The following NAV2 variants were observed in gnomAD, a reference collection of about 807,000 sequenced individuals.
The protein encoded by NAV2 is helicase, APC down-regulated 1.
A neutral mutation model predicts 223.2 loss-of-function variants in NAV2; 54 were observed. The observed-to-expected ratio is 0.24, with a 90% CI of 0.19 to 0.30. The LOEUF (loss-of-function observed/expected upper bound fraction) is 0.30, where lower values mean the gene tolerates loss of function less well. Ranked by LOEUF, NAV2 falls within the 10% of genes least tolerant of loss-of-function variation. The probability of loss-of-function intolerance (pLI) is 1.00; values close to 1 mark genes in which losing one functional copy is unlikely to be tolerated. For synonymous variants in NAV2, 1,279 were observed against 1,239.3 expected (o/e 1.03, Z -0.67); for missense variants, 2,806 against 3,147.5 (o/e 0.89, Z 2.60).
chr11:20,120,293 G>A lies in NAV2; in HGVS notation c.*2035G>A, dbSNP rs2246192. The A allele has an allele frequency of 0.36, 54,064 of 152,086 alleles. 11,975 individuals are homozygous for A. The highest frequency in any genetic ancestry group is 0.79 in the East Asian group (4,055 of 5,162). 9.4% of individuals were successfully genotyped at this position (152,086 alleles called of 1,614,324 possible). ...ACTTTTCAACACTATCCCTGCTTTA[G>A]TCTCAGCAAACTCAGACTATTCTGC... On this transcript the variant is annotated 3_prime_UTR_variant, in exon 38 of 38. Transcript: ENST00000349880.
intron 1 of NAV2, among the ~76,000 whole-genome samples, chr11:19,476,522 C>G (rs1270458433): frequency 1.8e-4 from 28 of 152,130 alleles, no homozygotes; most frequent in Admixed American, 1.8e-3. Flanking sequence ...GCACTCTCTT[C>G]CACTTTGATG....
At chr11:19,659,956 T>TTAG (rs2048232005) in intron 1 of NAV2, among the ~76,000 whole-genome samples, 1 of 151,124 alleles carries the variant, frequency 6.6e-6, no homozygotes, top group Non-Finnish European at 1.5e-5. Context: ...AAAAGAACTA[T>TTAG]TATTATTATT....
At chr11:19,379,030 C>A (rs1447588590) in intron 1 of NAV2, among the ~76,000 whole-genome samples, 1 of 152,208 alleles carries the variant, frequency 6.6e-6, no homozygotes. Flanking sequence ...TGAATCTCTT[C>A]CCCAGTGTGT....
intron 11 of NAV2, among the ~76,000 whole-genome samples, chr11:20,006,917 G>A (rs1417367697): frequency 6.6e-6 from 1 of 151,862 alleles, no homozygotes; most frequent in Non-Finnish European, 1.5e-5. Context: ...ATTGGTGGTA[G>A]AGCTGAGACT....
chr11:19,742,007 T>C (rs115166789), intron 1 of NAV2, among the ~76,000 whole-genome samples: 1,098 of 86,766 alleles, frequency 0.013, 7 homozygotes, highest in Middle Eastern at 0.057. Context: ...CCAACACTTG[T>C]TATCTTTTGA....
chr11:19,415,100 C>G (rs1296900611), intron 1 of NAV2, among the ~76,000 whole-genome samples: 1 of 151,816 alleles, frequency 6.6e-6, no homozygotes, highest in Non-Finnish European at 1.5e-5. Flanking sequence ...AAGATCAGAG[C>G]AGAAATGAAG....
intron 10 of NAV2, among the ~76,000 whole-genome samples, chr11:19,981,676 A>T (rs2050300861): frequency 6.6e-6 from 1 of 152,200 alleles, no homozygotes; most frequent in African/African-American, 2.4e-5. Flanking sequence ...TCTCCTTGAA[A>T]GGACGTGGGG....
intron 6 of NAV2, among the ~76,000 whole-genome samples, chr11:19,908,741 T>C (rs2043076563): frequency 6.6e-6 from 1 of 152,150 alleles, no homozygotes; most frequent in African/African-American, 2.4e-5. Context: ...AAGTCTGTCA[T>C]TAAAAAAATG....
At chr11:19,938,673 G>T (rs2046133285) in intron 7 of NAV2, among the ~76,000 whole-genome samples, 1 of 152,304 alleles carries the variant, frequency 6.6e-6, no homozygotes, top group Admixed American at 6.5e-5. Flanking sequence ...TACTCATAAG[G>T]CCTCAGCAGA....
intron 2 of NAV2, among the ~76,000 whole-genome samples, chr11:19,838,142 A>G (rs2060327072): frequency 6.6e-6 from 1 of 152,196 alleles, no homozygotes; most frequent in Non-Finnish European, 1.5e-5. Context: ...ATCAAAATGA[A>G]AAGTTAAAAA....
chr11:19,398,397 AT>A (rs1275923870), intron 1 of NAV2, among the ~76,000 whole-genome samples: 1 of 152,084 alleles, frequency 6.6e-6, no homozygotes, highest in Non-Finnish European at 1.5e-5. Context: ...CCCACCTCCA[AT>A]ACTGGGGATT....
chr11:19,579,023 T>A (rs983588062), intron 1 of NAV2, among the ~76,000 whole-genome samples: 20 of 152,260 alleles, frequency 1.3e-4, no homozygotes, highest in African/African-American at 4.6e-4. Context: ...AAGTGATCAG[T>A]GCAATGTGTA....
At chr11:19,349,342 C>A (rs890648201), upstream of NAV2, among the ~76,000 whole-genome samples, 1 of 152,322 alleles carries the variant, frequency 6.6e-6, no homozygotes, top group Middle Eastern at 3.4e-3. Context: ...TCCTCCTCCT[C>A]CCCCCTCACA....
At chr11:19,741,879 A>C (rs972196981) in intron 1 of NAV2, among the ~76,000 whole-genome samples, 1 of 151,728 alleles carries the variant, frequency 6.6e-6, no homozygotes, top group Non-Finnish European at 1.5e-5. Flanking sequence ...CAGAAGGGGG[A>C]TTGCTGGGTC....
chr11:19,514,070 T>C (rs892562821), intron 1 of NAV2, among the ~76,000 whole-genome samples: 2 of 151,502 alleles, frequency 1.3e-5, no homozygotes, highest in Non-Finnish European at 2.9e-5. Context: ...AATATGCCAG[T>C]CTCTACCCTG....
chr11:19,786,734 T>C (rs958968937), intron 1 of NAV2, among the ~76,000 whole-genome samples: 4 of 152,148 alleles, frequency 2.6e-5, no homozygotes, highest in Admixed American at 2.0e-4. Flanking sequence ...AGGAGTTCCC[T>C]TTCTTCCCTA....
In NAV2 at chr11:19,647,857, T is replaced by C. The variant is rs1043966324; in HGVS notation, c.76-184627T>C. ...TCAGAGGTTTAAAAGTTAGCGGTCATTGAGCTCCTATTGTATGCCAGGTAT... is the reference window on the plus strand; with the variant it reads ...TCAGAGGTTTAAAAGTTAGCGGTCACTGAGCTCCTATTGTATGCCAGGTAT... On this transcript the variant is annotated intron_variant, in intron 1 of 37. Coordinates refer to the NAV2 transcript ENST00000360655. 3.3e-5 allele frequency among the ~76,000 whole-genome samples: 5 copies of C among 152,236 alleles called. No homozygotes were observed. The South Asian group carries it at 1.0e-3, about 32-fold the overall frequency.
chr11:19,538,995 A>G (rs1430726653), intron 1 of NAV2, among the ~76,000 whole-genome samples: 1 of 152,196 alleles, frequency 6.6e-6, no homozygotes, highest in Non-Finnish European at 1.5e-5. Context: ...AGCCTGGCAT[A>G]TAATAGGTAC....
At chr11:19,918,258 C>T (rs2043974393) in intron 6 of NAV2, among the ~76,000 whole-genome samples, 1 of 152,240 alleles carries the variant, frequency 6.6e-6, no homozygotes, top group Non-Finnish European at 1.5e-5. Context: ...CAAAATGTGA[C>T]TCTTGCTGGA....
Sources: allele counts gnomAD v4.1 joint callset (sites outside exome capture counted in the v4.1 genomes callset), GRCh38; gene constraint gnomAD v4.1.1; transcripts MANE v1.5; gene names NCBI Gene and HGNC (gene_info 2026-07-23, HGNC 2026-07-21).